The following PAX4 variants were observed in gnomAD, a reference collection of about 807,000 sequenced individuals.
PAX4 encodes paired box protein Pax-4.
In PAX4, 33 loss-of-function variants were observed where a neutral mutation model predicts 40.6. The observed-to-expected ratio is 0.81, with a 90% CI of 0.62 to 1.09. PAX4 has a LOEUF of 1.09. Ranked by LOEUF, PAX4 falls within the 50% of genes least tolerant of loss-of-function variation. PAX4 has a pLI of 0.00. For missense variants in PAX4, 459 were observed against 442.5 expected, an observed-to-expected ratio of 1.04 and a Z score of -0.33; for synonymous variants, 174 against 170.6, an observed-to-expected ratio of 1.02 and a Z score of -0.16.
chr7:127,614,576 TG>T lies in PAX4; in HGVS notation c.361-20del. On this transcript the variant is annotated intron_variant, in intron 5 of 11. Transcript: ENST00000639438. ...AGGAGACCTGGGAGTGTCAGGGTGT[TG>T]AGTGGAGAGATGGTGCTCAGACTCA... is the stretch of plus-strand genomic sequence containing the variant. 6.3e-7 allele frequency: 1 copy of T among 1,575,102 alleles called. No individual in the cohort carries two copies.
chr7:127,613,480 A>G lies in PAX4; in HGVS notation c.615T>C (p.Thr205=). 3.1e-6 allele frequency: 5 copies of G among 1,614,204 alleles called. No individual in the cohort carries two copies. Among genetic ancestry groups the G allele is most frequent in the Non-Finnish European group, 4.2e-6 (5 of 1,180,044 alleles). ...CCGTGTCCTCAGGCAGAGAGGTGGC[A>G]GTAGCCAGCTTTCCACGGGCCACTG... ...PDSVARGKLA[T]ATSLPEDTVR... The change falls in exon 8 of 12, where the codon ACT becomes ACC. Residue 205 remains threonine (T), a synonymous_variant. Transcript: ENST00000639438.
chr7:127,613,999 A>G (rs562471797), intron 6 of PAX4, 118 bp from the exon 7 acceptor site: 2 of 1,198,690 alleles, frequency 1.7e-6, no homozygotes, highest in South Asian at 2.6e-5. Context: ...AGCAGAGCCA[A>G]GCTGGTGGGG....
chr7:127,611,517 C>A lies in PAX4; in HGVS notation c.913+18G>T. 1 of 1,613,508 alleles carries A rather than the reference C, an allele frequency of 6.2e-7. No individual in the cohort carries two copies. The highest frequency in any genetic ancestry group is 8.5e-7 in the Non-Finnish European group (1 of 1,179,828). On this transcript the variant is annotated intron_variant, in intron 11 of 11. Coordinates refer to ENST00000639438, the MANE Select transcript of PAX4 (RefSeq NM_001366110.1). ...CTCCCTACATCCTGCAGGACTGAGG[C>A]CTGGCCTGAATTCTTACCCCAGCAG...
At position 127,615,428 on chromosome 7, in the gene PAX4, C is replaced by T; in HGVS notation, c.117G>A (p.Arg39=). The T allele has an allele frequency of 6.2e-7, 1 of 1,614,216 alleles. No individual in the cohort carries two copies. The highest frequency in any genetic ancestry group is 1.1e-5 in the South Asian group (1 of 91,088). ...QIVRLAVSGM[R]PCDISRILKV... ...TAAGGATCCGTGAGATGTCACAGGG[C>T]CGCATTCCACTGACTGCTAGCCGCA... Residue 39 remains arginine (R), a synonymous_variant, in exon 4 of 12, where the codon CGG becomes CGA. Transcript: ENST00000639438.
In PAX4 at chr7:127,611,197, G is replaced by T. The variant is rs1195872933; in HGVS notation, c.923C>A (p.Pro308His). Residue 308 changes from proline to histidine, a missense_variant, in exon 12 of 12, where the codon CCC (proline) becomes CAC (histidine). Coordinates refer to ENST00000639438, the MANE Select transcript of PAX4 (RefSeq NM_001366110.1). Reference protein sequence around the residue: ...ACLKPCWGHLPPQPNSLDSGL... With the variant: ...ACLKPCWGHLHPQPNSLDSGL... ...TGAGTCCAGGGAATTCGGCTGTGGG[G>T]GCAAGTGGCCTGTGGGGACAAATAG... is the stretch of plus-strand genomic sequence containing the variant. 6.3e-7 allele frequency: 1 copy of T among 1,599,554 alleles called. No homozygotes were observed. The highest frequency in any genetic ancestry group is 1.7e-5 in the Admixed American group (1 of 57,704).
At chr7:127,613,924 T>A in intron 6 of PAX4, 43 bp from the exon 7 acceptor site, 1 of 1,611,338 alleles carries the variant, frequency 6.2e-7, no homozygotes, top group Non-Finnish European at 8.5e-7. Context: ...GTGATGGTGA[T>A]TCCTCTGGTC....
rs377689842 is a variant in PAX4 at position 127,611,214 on chromosome 7, G to T, written c.914-8C>A. 5.7e-6 allele frequency: 9 copies of T among 1,589,102 alleles called. No individual in the cohort carries two copies. The African/African-American group carries it at 1.2e-4, about 21-fold the overall frequency. ...GCTGTGGGGGCAAGTGGCCTGTGGG[G>T]ACAAATAGAGAGAGCTTGGGGTTAT... On this transcript the variant is annotated splice_polypyrimidine_tract_variant and splice_region_variant and intron_variant, in intron 11 of 11. Coordinates refer to ENST00000639438, the MANE Select transcript of PAX4 (RefSeq NM_001366110.1).
chr7:127,616,901 G>A (rs1190531287), intron 2 of PAX4, among the ~76,000 whole-genome samples: 2 of 152,180 alleles, frequency 1.3e-5, no homozygotes, highest in Non-Finnish European at 2.9e-5. Context: ...AGGTCCCACA[G>A]GCCACCATAC....
At chr7:127,612,683 C>G (rs806193) in intron 9 of PAX4, among the ~76,000 whole-genome samples, 5 of 142,950 alleles carry the variant, frequency 3.5e-5, no homozygotes, top group Admixed American at 6.9e-5. Flanking sequence ...TGGATGATGC[C>G]TGGATGAATG....
In PAX4 at chr7:127,610,779, A is replaced by T; in HGVS notation, c.*285T>A. The T allele has an allele frequency of 8.2e-7, 1 of 1,212,906 alleles. No homozygotes were observed. The highest frequency in any genetic ancestry group is 1.2e-6 in the Non-Finnish European group (1 of 854,930). 75.1% of individuals were successfully genotyped at this position (1,212,906 alleles called of 1,614,324 possible). ...AGTGGGCATAGGGGTGCTCATAGGG[A>T]AAACATGATGGACAACAGAACTACT... is the stretch of plus-strand genomic sequence containing the variant. On this transcript the variant is annotated 3_prime_UTR_variant, in exon 12 of 12. Coordinates refer to ENST00000639438, the MANE Select transcript of PAX4 (RefSeq NM_001366110.1).
intron 5 of PAX4, 94 bp from the exon 6 acceptor site, chr7:127,614,651 C>G: frequency 8.4e-7 from 1 of 1,196,338 alleles, no homozygotes; most frequent in South Asian, 1.3e-5. Context: ...TCCCATCTGT[C>G]TCCACCTACA....
intron 2 of PAX4, 62 bp from the exon 3 acceptor site, chr7:127,616,089 G>A (rs1794720202): frequency 3.8e-6 from 3 of 792,780 alleles, no homozygotes; most frequent in Non-Finnish European, 3.9e-6. Context: ...GGGAGGTAGT[G>A]TTTTGTGATA....
chr7:127,614,880 A>T lies in PAX4; in HGVS notation c.360T>A (p.Ser120Arg). 6.2e-7 allele frequency: 1 copy of T among 1,613,902 alleles called. No homozygotes were observed. The highest frequency in any genetic ancestry group is 1.7e-5 in the Admixed American group (1 of 60,004). ...EGLCTQDKTP[S>R]VSSINRVLRA... Reference sequence around the variant, plus strand: ...AGTGTGGGGAGGGAAGGGTACTTACACTGGGAGTCTTGTCCTGGGTGCAAA... The same window carrying T: ...AGTGTGGGGAGGGAAGGGTACTTACTCTGGGAGTCTTGTCCTGGGTGCAAA... The change falls in exon 5 of 12, where the codon AGT (serine) becomes AGA (arginine). Residue 120 changes from serine (S) to arginine (R), a missense_variant and splice_region_variant. Coordinates refer to ENST00000639438, the MANE Select transcript of PAX4 (RefSeq NM_001366110.1).
intron 9 of PAX4, 34 bp downstream of exon 9, chr7:127,612,988 A>G: frequency 6.6e-7 from 1 of 1,516,500 alleles, no homozygotes; most frequent in Non-Finnish European, 9.2e-7. Flanking sequence ...TAGATGACTG[A>G]GCGGGCAGAT....
Position 127,610,570 on chromosome 7 carries a change from T to C in PAX4, c.*494A>G, listed in dbSNP as rs10261185. ...CAGTGTGTGTGTGTGTGTGTGTGTG[T>C]GCGCGCACGCATGCACGCATACATA... On this transcript the variant is annotated 3_prime_UTR_variant, in exon 12 of 12. Transcript: ENST00000639438. 0.012 allele frequency: 3,950 copies of C among 320,126 alleles called. 44 individuals carry two copies. Among genetic ancestry groups the C allele is most frequent in the African/African-American group, 0.021 (916 of 44,596 alleles). 19.8% of individuals were successfully genotyped at this position (320,126 alleles called of 1,614,324 possible).
At position 127,610,610 on chromosome 7, in the gene PAX4, G is replaced by A. The variant is rs1587547979; in HGVS notation, c.*454C>T. The A allele has an allele frequency of 5.7e-6, 3 of 522,390 alleles. No homozygotes were observed. The African/African-American group carries it at 5.8e-5, about 10-fold the overall frequency. 32.4% of individuals were successfully genotyped at this position (522,390 alleles called of 1,614,324 possible). A position where few individuals can be genotyped will look rare whatever the true frequency, so the allele number is the denominator to read the frequency against. On this transcript the variant is annotated 3_prime_UTR_variant, in exon 12 of 12. Transcript: ENST00000639438. ...ACGCATACATAATACACATATAGAT[G>A]CATACATAGAGTAGGTAAATTGATG...
chr7:127,617,880 G>C (rs1376125959), intron 1 of PAX4, 82 bp downstream of exon 1: 2 of 152,400 alleles, frequency 1.3e-5, no homozygotes, highest in African/African-American at 4.8e-5. Context: ...AGGCAGAGTG[G>C]GAGAGAAGTT....
In PAX4 at chr7:127,613,438, G is replaced by A. The variant is rs768530495; in HGVS notation, c.645+12C>T. Reference sequence around the variant, plus strand: ...TCCTTGTGGTTTGTACAGTGTTGCAGAGCTCACTCACCCTCACCGTGTCCT... The same window carrying A: ...TCCTTGTGGTTTGTACAGTGTTGCAAAGCTCACTCACCCTCACCGTGTCCT... On this transcript the variant is annotated intron_variant, in intron 8 of 11. Coordinates refer to ENST00000639438, the MANE Select transcript of PAX4 (RefSeq NM_001366110.1). The A allele has an allele frequency of 1.2e-6, 2 of 1,613,326 alleles. No individual in the cohort carries two copies. The highest frequency in any genetic ancestry group is 1.7e-6 in the Non-Finnish European group (2 of 1,179,270).
intron 2 of PAX4, among the ~76,000 whole-genome samples, chr7:127,616,593 GT>G (rs1438065413): frequency 5.9e-5 from 9 of 152,178 alleles, no homozygotes; most frequent in Non-Finnish European, 1.3e-4. Flanking sequence ...TGAGGCTCTG[GT>G]CCTACACACT....
Sources: gnomAD v4.1 joint callset for allele counts (sites outside exome capture counted in the v4.1 genomes callset) on GRCh38, gnomAD v4.1.1 for gene constraint, MANE v1.5 for transcripts, NCBI Gene and HGNC (gene_info 2026-07-23, HGNC 2026-07-21) for gene names.